The following CENPE variants were observed in gnomAD, a reference collection of about 807,000 sequenced individuals.
CENPE encodes centromere protein E.
Under a neutral mutation model 336.1 loss-of-function variants are expected in CENPE, and 145 were observed. The observed-to-expected ratio is 0.43, with a 90% CI of 0.38 to 0.50. The LOEUF (loss-of-function observed/expected upper bound fraction) is 0.50, where lower values mean the gene tolerates loss of function less well. CENPE is among the 20% of genes least tolerant of loss of function. CENPE has a pLI of 0.00. For synonymous variants in CENPE, 1,013 were observed against 984.8 expected (o/e 1.03, Z -0.54); for missense variants, 2,719 against 3,023.3 (o/e 0.90, Z 2.36).
In CENPE at chr4:103,153,214, T is replaced by C; in HGVS notation, c.3070A>G (p.Lys1024Glu). The change falls in exon 25 of 49, where the codon AAA (lysine) becomes GAA (glutamate). Residue 1024 changes from lysine (K) to glutamate (E), a missense_variant. Lys to Glu is a moderately conservative substitution (Grantham distance 56, BLOSUM62 1). Coordinates refer to ENST00000265148, the MANE Select transcript of CENPE (RefSeq NM_001813.3). ...TCTGCAGTTAGTGTTTGGGTATTTT[T>C]AGCTTCCAAATCCTGTTTTTTATCT... ...GIDKKQDLEAKNTQTLTADVK... is the reference protein window; with the variant it reads ...GIDKKQDLEAENTQTLTADVK... 2 of 1,612,782 alleles carry C rather than the reference T, an allele frequency of 1.2e-6. No homozygotes were observed. The highest frequency in any genetic ancestry group is 1.7e-5 in the Admixed American group (1 of 59,874).
intron 8 of CENPE, among the ~76,000 whole-genome samples, chr4:103,191,134 A>G (rs1164030093): frequency 1.3e-5 from 2 of 152,168 alleles, no homozygotes; most frequent in Admixed American, 1.3e-4. Flanking sequence ...AATCGTTAAA[A>G]AGTCAGGGAA....
At position 103,180,408 on chromosome 4, in the gene CENPE, T is replaced by C. The variant is rs1332032382; in HGVS notation, c.1145A>G (p.Glu382Gly). 6.2e-7 allele frequency: 1 copy of C among 1,613,080 alleles called. No homozygotes were observed. Among genetic ancestry groups the C allele is most frequent in the Non-Finnish European group, 8.5e-7 (1 of 1,179,416 alleles). Reference protein sequence around the residue: ...EKDQLAQLLEEKDLLQKVQNE... With the variant: ...EKDQLAQLLEGKDLLQKVQNE... ...CTGTACTTTCTGAAGCAAATCTTTTTCTTCCAAAAGTTGGGCCAATTGGTC... is the reference window on the plus strand; with the variant it reads ...CTGTACTTTCTGAAGCAAATCTTTTCCTTCCAAAAGTTGGGCCAATTGGTC... The change falls in exon 13 of 49, where the codon GAA (glutamate) becomes GGA (glycine). Residue 382 changes from glutamate to glycine, a missense_variant. Glu to Gly is a moderately conservative substitution (Grantham distance 98). Coordinates refer to ENST00000265148, the MANE Select transcript of CENPE (RefSeq NM_001813.3).
chr4:103,112,415 GTATA>G (rs1749539564), intron 46 of CENPE, among the ~76,000 whole-genome samples: 2 of 144,270 alleles, frequency 1.4e-5, no homozygotes, highest in African/African-American at 5.0e-5. Flanking sequence ...ACATATATAT[GTATA>G]TACTTATATA....
In CENPE at chr4:103,133,724, A is replaced by G. The variant is rs752151874; in HGVS notation, c.6691T>C (p.Leu2231=). The change falls in exon 41 of 49, where the codon TTG becomes CTG. Residue 2231 remains leucine (L), a synonymous_variant. Transcript: ENST00000265148. ...VPSRELRDLK[L]NQNMDLHIEE... ...ATATGTAGATCCATATTCTGGTTCA[A>G]TTTGAGATCCCTTAATTCTCTGGAT... 10 of 1,607,070 alleles carry G rather than the reference A, an allele frequency of 6.2e-6. No homozygotes were observed. The highest frequency in any genetic ancestry group is 1.1e-5 in the South Asian group (1 of 89,354).
Position 103,120,210 on chromosome 4 carries a change from C to T in CENPE, c.7267G>A (p.Ala2423Thr), listed in dbSNP as rs780055869. Residue 2423 changes from alanine (A) to threonine (T), a missense_variant, in exon 44 of 49, where the codon GCC becomes ACC. This residue lies in a region of CENPE where 2,437 missense variants were observed against 2,513.3 expected (regional missense o/e 0.97). Coordinates refer to ENST00000265148, the MANE Select transcript of CENPE (RefSeq NM_001813.3). Reference sequence around the variant, plus strand: ...CATTTATTTGATTCATGAACTTTGGCTTGAAGTTTTGCTATTATGTCATTA... The same window carrying T: ...CATTTATTTGATTCATGAACTTTGGTTTGAAGTTTTGCTATTATGTCATTA... ...VTNDIIAKLQ[A>T]KVHESNKCLE... The T allele has an allele frequency of 1.5e-5, 24 of 1,612,040 alleles. No homozygotes were observed. The highest frequency in any genetic ancestry group is 2.7e-5 in the African/African-American group (2 of 74,848).
chr4:103,178,919 T>G (rs952543630), intron 13 of CENPE, among the ~76,000 whole-genome samples: 1 of 152,212 alleles, frequency 6.6e-6, no homozygotes, highest in African/African-American at 2.4e-5. Flanking sequence ...TCTGTAGTAG[T>G]TAATGCCCAA....
chr4:103,112,025 T>A (rs982171003), intron 46 of CENPE, among the ~76,000 whole-genome samples: 3 of 151,900 alleles, frequency 2.0e-5, no homozygotes, highest in South Asian at 2.1e-4. Flanking sequence ...TACACTTTTT[T>A]AAAAAAGACA....
At chr4:103,185,930 G>T (rs1405622940) in intron 8 of CENPE, 69 bp from the exon 9 acceptor site, 3 of 1,063,444 alleles carry the variant, frequency 2.8e-6, no homozygotes, top group Non-Finnish European at 4.3e-6. Flanking sequence ...ACTACTGAAA[G>T]AACATTTTTA....
intron 41 of CENPE, 36 bp downstream of exon 41, chr4:103,133,659 T>TAAAATC (rs772824018): frequency 9.5e-5 from 134 of 1,405,670 alleles, no homozygotes; most frequent in Non-Finnish European, 1.3e-4. Flanking sequence ...TAAAAAGGCT[T>TAAAATC]AAAATCTAAC....
At chr4:103,123,499 G>A (rs1750828511) in intron 42 of CENPE, among the ~76,000 whole-genome samples, 1 of 152,068 alleles carries the variant, frequency 6.6e-6, no homozygotes, top group Admixed American at 6.5e-5. Flanking sequence ...AGTGCTTCTT[G>A]TAAGTGAGAA....
intron 42 of CENPE, among the ~76,000 whole-genome samples, chr4:103,132,452 A>G (rs1303827984): frequency 6.6e-6 from 1 of 152,190 alleles, no homozygotes; most frequent in African/African-American, 2.4e-5. Context: ...GGACAATAGT[A>G]AGAGGATTCA....
At chr4:103,116,324 A>G (rs1750107121) in intron 45 of CENPE, 4 of 215,982 alleles carry the variant, frequency 1.9e-5, no homozygotes, top group Non-Finnish European at 3.6e-5. Flanking sequence ...AAAATTGTTT[A>G]TATTCTGTAT....
chr4:103,175,891 C>T, intron 15 of CENPE, 69 bp downstream of exon 15: 1 of 972,170 alleles, frequency 1.0e-6, no homozygotes, highest in Non-Finnish European at 1.5e-6. Flanking sequence ...GAACAAGTAA[C>T]AAAACCTAAT....
chr4:103,120,699 C>G (rs1750549075), intron 43 of CENPE, among the ~76,000 whole-genome samples: 1 of 152,042 alleles, frequency 6.6e-6, no homozygotes, highest in African/African-American at 2.4e-5. Context: ...TTAATTGACT[C>G]TCTAAAGTAA....
intron 47 of CENPE, among the ~76,000 whole-genome samples, chr4:103,109,601 CTTTTA>C (rs765628588): frequency 6.6e-6 from 1 of 152,184 alleles, no homozygotes; most frequent in Non-Finnish European, 1.5e-5. Flanking sequence ...ACCTCACTCT[CTTTTA>C]TTTTAAGTCA....
At chr4:103,163,574 G>T in intron 16 of CENPE, 21 bp from the exon 17 acceptor site, 15 of 1,049,232 alleles carry the variant, frequency 1.4e-5, no homozygotes, top group Non-Finnish European at 1.9e-5. Flanking sequence ...ATGTGAACAG[G>T]TAACAGAGCA....
chr4:103,195,944 A>C lies in CENPE; in HGVS notation c.333T>G (p.His111Gln). The C allele has an allele frequency of 6.2e-7, 1 of 1,613,264 alleles. No homozygotes were observed. The highest frequency in any genetic ancestry group is 1.1e-5 in the South Asian group (1 of 91,064). The change falls in exon 4 of 49, where the codon CAT (histidine) becomes CAG (glutamine). Residue 111 changes from histidine (H) to glutamine (Q), a missense_variant. Coordinates refer to ENST00000265148, the MANE Select transcript of CENPE (RefSeq NM_001813.3). ...DHLGVIPRAI[H>Q]DIFQKIKKFP... is the part of the protein sequence containing the mutation. ...CCTTCTTAATTTTTTGGAAAATGTCATGAATTGCCCTGGGTATAACTCCCA... is the reference window on the plus strand; with the variant it reads ...CCTTCTTAATTTTTTGGAAAATGTCCTGAATTGCCCTGGGTATAACTCCCA...
In CENPE at chr4:103,163,462, C is replaced by T. The variant is rs762912072; in HGVS notation, c.1722+17G>A. On this transcript the variant is annotated intron_variant, in intron 17 of 48. Coordinates refer to ENST00000265148, the MANE Select transcript of CENPE (RefSeq NM_001813.3). ...TTCTAATTGCTTATCAATAGAAATA[C>T]CAACATGAATGCTCACCTCAAGATC... is the stretch of plus-strand genomic sequence containing the variant. 11 of 1,547,600 alleles carry T rather than the reference C, an allele frequency of 7.1e-6. No homozygotes were observed. The Admixed American group carries it at 8.6e-5, about 12-fold the overall frequency.
chr4:103,195,536 C>T (rs1169482975), intron 4 of CENPE, among the ~76,000 whole-genome samples: 3 of 152,066 alleles, frequency 2.0e-5, no homozygotes, highest in African/African-American at 4.8e-5. Flanking sequence ...CCAACTAACT[C>T]GGTTGCCTAT....
Sources: allele counts gnomAD v4.1 joint callset (sites outside exome capture counted in the v4.1 genomes callset), GRCh38; gene constraint gnomAD v4.1.1; regional missense constraint gnomAD v4.1.1; transcripts MANE v1.5; gene names NCBI Gene and HGNC (gene_info 2026-07-23, HGNC 2026-07-21).